Variants in RAB18 observed in about 807,000 individuals in gnomAD.
RAB18 encodes the protein RAB18, member RAS oncogene family.
In RAB18, 10 loss-of-function variants were observed where a neutral mutation model predicts 28.5. The observed-to-expected ratio is 0.35, with a 90% CI of 0.22 to 0.60. RAB18 has a LOEUF of 0.60. RAB18 is among the 20% of genes least tolerant of loss of function. The pLI, the probability that RAB18 is intolerant of heterozygous loss-of-function variation, is 0.78. For missense variants in RAB18, 188 were observed against 244.2 expected (o/e 0.77, Z 1.53); for synonymous variants, 93 against 86.9 (o/e 1.07, Z -0.39).
At chr10:27,535,631 C>T (rs1015241117) in intron 6 of RAB18, among the ~76,000 whole-genome samples, 5 of 152,076 alleles carry the variant, frequency 3.3e-5, no homozygotes, top group Non-Finnish European at 5.9e-5. Flanking sequence ...CTAGGGGAAA[C>T]AGAAGCAAGA....
intron 3 of RAB18, among the ~76,000 whole-genome samples, chr10:27,529,617 A>G (rs747158036): frequency 2.4e-4 from 37 of 152,054 alleles, no homozygotes; most frequent in Non-Finnish European, 4.9e-4. Context: ...GTTTATCTAT[A>G]TATCTTTCAG....
Position 27,531,764 on chromosome 10 carries a change from T to TA in RAB18, c.187-740dup, listed in dbSNP as rs1834793132. The stretch of plus-strand genomic sequence containing the variant: ...AGAGAGAAGGAATTGGGCCCGGAAG[T>TA]AAAGGCTTGTTAAATAGGTTCATTC... On this transcript the variant is annotated intron_variant, in intron 3 of 6. Transcript: ENST00000356940. 4 of 511,834 alleles carry TA rather than the reference T, an allele frequency of 7.8e-6. No individual in the cohort carries two copies. The African/African-American group carries it at 7.9e-5, about 10-fold the overall frequency. 31.7% of individuals were successfully genotyped at this position (511,834 alleles called of 1,614,324 possible).
Position 27,537,952 on chromosome 10 carries a change from A to G in RAB18, c.522A>G (p.Gly174=). 2 of 1,614,146 alleles carry G rather than the reference A, an allele frequency of 1.2e-6. No homozygotes were observed. Among genetic ancestry groups the G allele is most frequent in the Non-Finnish European group, 1.7e-6 (2 of 1,180,008 alleles). ...ELVEKIIQTP[G]LWESENQNKG... The stretch of plus-strand genomic sequence containing the variant: ...TTGAAAAGATCATTCAGACCCCTGG[A>G]CTGTGGGAAAGTGAGAACCAGAATA... The change falls in exon 7 of 7, where the codon GGA becomes GGG. Residue 174 remains glycine (G), a synonymous_variant. Coordinates refer to ENST00000356940, the MANE Select transcript of RAB18 (RefSeq NM_021252.5).
At chr10:27,532,084 T>G (rs1208574913) in intron 3 of RAB18, among the ~76,000 whole-genome samples, 1 of 151,914 alleles carries the variant, frequency 6.6e-6, no homozygotes, top group Admixed American at 6.6e-5. Flanking sequence ...AAATCAGTGG[T>G]TCTCAGCCTT....
At chr10:27,536,923 G>T (rs1327756905) in intron 6 of RAB18, among the ~76,000 whole-genome samples, 1 of 152,212 alleles carries the variant, frequency 6.6e-6, no homozygotes, top group African/African-American at 2.4e-5. Flanking sequence ...TTTAGAAGAG[G>T]TTTCAAAGAG....
chr10:27,530,878 A>G (rs1373522715), intron 3 of RAB18, among the ~76,000 whole-genome samples: 2 of 151,926 alleles, frequency 1.3e-5, no homozygotes, highest in Non-Finnish European at 2.9e-5. Context: ...GCATCCATAT[A>G]CCGTTTCATT....
intron 2 of RAB18, among the ~76,000 whole-genome samples, chr10:27,515,744 A>ATT (rs374406868): frequency 2.0e-5 from 3 of 151,478 alleles, no homozygotes; most frequent in African/African-American, 7.3e-5. Context: ...AAAAAAAAAA[A>ATT]TTTTTTTTCA....
Position 27,505,436 on chromosome 10 carries a change from T to A in RAB18, c.68+999T>A, listed in dbSNP as rs374429138. Among the ~76,000 whole-genome samples, 11 of 152,358 alleles carry A rather than the reference T, an allele frequency of 7.2e-5. No individual in the cohort carries two copies. The East Asian group carries it at 1.7e-3, about 24-fold the overall frequency. On this transcript the variant is annotated intron_variant, in intron 1 of 6. Coordinates refer to ENST00000356940, the MANE Select transcript of RAB18 (RefSeq NM_021252.5). ...ATTTCATAAATTGAAATAGCCTTAATTCTACAAACTAGAATGAAAGCTCTC... is the reference window on the plus strand; with the variant it reads ...ATTTCATAAATTGAAATAGCCTTAAATCTACAAACTAGAATGAAAGCTCTC...
intron 2 of RAB18, among the ~76,000 whole-genome samples, chr10:27,513,609 C>T (rs1834371491): frequency 6.6e-6 from 1 of 152,164 alleles, no homozygotes; most frequent in African/African-American, 2.4e-5. Flanking sequence ...AAAACTGACA[C>T]ACAAACCCAG....
intron 1 of RAB18, chr10:27,505,293 G>A (rs2138958864): frequency 2.4e-6 from 1 of 412,684 alleles, no homozygotes; most frequent in Middle Eastern, 8.2e-4. Context: ...CTGATTATGA[G>A]TAGGTTATGT....
chr10:27,541,810 C>T lies in RAB18; in HGVS notation c.*3759C>T. 1 of 451,442 alleles carries T rather than the reference C, an allele frequency of 2.2e-6. No individual in the cohort carries two copies. Among genetic ancestry groups the T allele is most frequent in the South Asian group, 1.6e-5 (1 of 64,360 alleles). The allele number at this position is 451,442 out of a possible 1,614,324, so 28.0% of individuals were successfully genotyped here. A position where few individuals can be genotyped will look rare whatever the true frequency, so the allele number is the denominator to read the frequency against. On this transcript the variant is annotated 3_prime_UTR_variant, in exon 7 of 7. Coordinates refer to ENST00000356940, the MANE Select transcript of RAB18 (RefSeq NM_021252.5). ...GGCTGCCCGATCCAGCACCTACTTC[C>T]TTCTCCCACCATACCACCCCCACCC...
intron 3 of RAB18, among the ~76,000 whole-genome samples, chr10:27,529,784 A>G (rs1176250383): frequency 1.3e-5 from 2 of 152,018 alleles, no homozygotes; most frequent in African/African-American, 4.8e-5. Flanking sequence ...TTAAGCATAT[A>G]CACTTTATAG....
chr10:27,541,530 G>T lies in RAB18; in HGVS notation c.*3479G>T. On this transcript the variant is annotated 3_prime_UTR_variant, in exon 7 of 7. Transcript: ENST00000356940. Reference sequence around the variant, plus strand: ...TGCCCCTTAGTTAAAGCTGTTCAATGAATGTAAGCACACACACACCTACAC... The same window carrying T: ...TGCCCCTTAGTTAAAGCTGTTCAATTAATGTAAGCACACACACACCTACAC... The T allele has an allele frequency of 2.2e-6, 1 of 453,754 alleles. No homozygotes were observed. Among genetic ancestry groups the T allele is most frequent in the Non-Finnish European group, 4.4e-6 (1 of 226,722 alleles). 28.1% of individuals were successfully genotyped at this position (453,754 alleles called of 1,614,324 possible).
Position 27,538,223 on chromosome 10 carries a change from G to A in RAB18, c.*172G>A, listed in dbSNP as rs766505034. Reference sequence around the variant, plus strand: ...CATCGACCCCGGGTAAAATGTTATGGTAAGCATGCACAGTTTGCAGTCTAC... The same window carrying A: ...CATCGACCCCGGGTAAAATGTTATGATAAGCATGCACAGTTTGCAGTCTAC... On this transcript the variant is annotated 3_prime_UTR_variant, in exon 7 of 7. Coordinates refer to ENST00000356940, the MANE Select transcript of RAB18 (RefSeq NM_021252.5). The A allele has an allele frequency of 4.7e-6, 4 of 859,090 alleles. No homozygotes were observed. The highest frequency in any genetic ancestry group is 7.5e-6 in the Non-Finnish European group (4 of 531,022). The allele number at this position is 859,090 out of a possible 1,614,324, so 53.2% of individuals were successfully genotyped here. A position where few individuals can be genotyped will look rare whatever the true frequency, so the allele number is the denominator to read the frequency against.
At position 27,540,211 on chromosome 10, in the gene RAB18, G is replaced by C. The variant is rs1383693552; in HGVS notation, c.*2160G>C. ...TCCTTGGTGCCAGATGCCTTTCTAA[G>C]TGCTGAATTATCTCATTAAACCTCA... is the stretch of plus-strand genomic sequence containing the variant. On this transcript the variant is annotated 3_prime_UTR_variant, in exon 7 of 7. Transcript: ENST00000356940. 2.2e-6 allele frequency: 1 copy of C among 454,014 alleles called. No individual in the cohort carries two copies. Among genetic ancestry groups the C allele is most frequent in the African/African-American group, 2.0e-5 (1 of 50,104 alleles). The allele number at this position is 454,014 out of a possible 1,614,324, so 28.1% of individuals were successfully genotyped here.
chr10:27,515,427 G>C (rs1430749577), intron 2 of RAB18, among the ~76,000 whole-genome samples: 1 of 152,098 alleles, frequency 6.6e-6, no homozygotes, highest in African/African-American at 2.4e-5. Context: ...TTCAGACTGG[G>C]TCACAACATA....
At chr10:27,506,843 C>T (rs1410848198) in intron 1 of RAB18, among the ~76,000 whole-genome samples, 3 of 152,016 alleles carry the variant, frequency 2.0e-5, no homozygotes, top group Non-Finnish European at 4.4e-5. Flanking sequence ...ACAAATTTAC[C>T]GTGGGCCTAA....
chr10:27,518,721 T>G (rs184842243), intron 2 of RAB18, among the ~76,000 whole-genome samples: 2 of 152,206 alleles, frequency 1.3e-5, no homozygotes, highest in East Asian at 3.9e-4. Context: ...CTCTGGCTTG[T>G]TTTTTCATTC....
At chr10:27,535,407 C>T (rs1190331375) in intron 6 of RAB18, among the ~76,000 whole-genome samples, 1 of 152,020 alleles carries the variant, frequency 6.6e-6, no homozygotes, top group Non-Finnish European at 1.5e-5. Flanking sequence ...GAGAGAGGAG[C>T]AAATATTTCC....
Sources: allele counts gnomAD v4.1 joint callset (sites outside exome capture counted in the v4.1 genomes callset), GRCh38; gene constraint gnomAD v4.1.1; transcripts MANE v1.5; gene names NCBI Gene and HGNC (gene_info 2026-07-23, HGNC 2026-07-21).